CLEC16A: variants seen among roughly 807,000 people sequenced by gnomAD.
CLEC16A encodes C-type lectin domain containing 16A.
CLEC16A carries 51 observed loss-of-function variants against 109.5 expected under a neutral mutation model. The ratio of observed to expected loss-of-function variants is 0.47; its 90% CI spans 0.37 to 0.59. The LOEUF (loss-of-function observed/expected upper bound fraction) is 0.59. Among genes scored for constraint, CLEC16A ranks in the 20% least tolerant of loss-of-function variants. The pLI, the probability that CLEC16A is intolerant of heterozygous loss-of-function variation, is 0.00. For missense variants in CLEC16A, 1,339 were observed against 1,394.0 expected, an observed-to-expected ratio of 0.96 and a Z score of 0.63; for synonymous variants, 673 against 564.2, an observed-to-expected ratio of 1.19 and a Z score of -2.73.
intron 19 of CLEC16A, among the ~76,000 whole-genome samples, chr16:11,098,778 T>G (rs2050747761): frequency 1.3e-5 from 2 of 152,212 alleles, no homozygotes; most frequent in Non-Finnish European, 2.9e-5. Flanking sequence ...GTGCTGTGTG[T>G]GGGAGTAACT....
At chr16:10,996,994 C>T (rs1182915359) in intron 10 of CLEC16A, among the ~76,000 whole-genome samples, 1 of 152,216 alleles carries the variant, frequency 6.6e-6, no homozygotes, top group Non-Finnish European at 1.5e-5. Context: ...CACGGTCTTG[C>T]TGTGTCACCC....
intron 19 of CLEC16A, 109 bp from the exon 20 acceptor site, chr16:11,120,506 C>A: frequency 8.4e-7 from 1 of 1,193,302 alleles, no homozygotes; most frequent in Non-Finnish European, 1.1e-6. Context: ...TAGGCCTGGG[C>A]TCTAACCACT....
intron 19 of CLEC16A, among the ~76,000 whole-genome samples, chr16:11,115,161 C>G (rs565206726): frequency 6.6e-6 from 1 of 152,216 alleles, no homozygotes; most frequent in Admixed American, 6.5e-5. Flanking sequence ...TGACTGTGTC[C>G]GTTTTCCCAG....
intron 19 of CLEC16A, among the ~76,000 whole-genome samples, chr16:11,103,378 GAGAC>G (rs2051035524): frequency 6.6e-6 from 1 of 152,162 alleles, no homozygotes; most frequent in Non-Finnish European, 1.5e-5. Context: ...TCAGGGGTTT[GAGAC>G]CAGCCTGGCC....
intron 10 of CLEC16A, among the ~76,000 whole-genome samples, chr16:10,996,012 C>T (rs1397794003): frequency 6.6e-6 from 1 of 152,084 alleles, no homozygotes; most frequent in African/African-American, 2.4e-5. Context: ...TTACCTGATG[C>T]CTCTGGCCAC....
chr16:11,053,475 A>G (rs1289481242), intron 18 of CLEC16A, among the ~76,000 whole-genome samples: 8 of 151,890 alleles, frequency 5.3e-5, no homozygotes, highest in African/African-American at 9.7e-5. Flanking sequence ...GGGTCAAGCA[A>G]TCCTCCCACC....
rs199845026 is a variant in CLEC16A, at chr16:11,178,917, C to G, written c.*227C>G. The G allele has an allele frequency of 2.3e-5, 11 of 485,866 alleles. No homozygotes were observed. The highest frequency in any genetic ancestry group is 4.0e-5 in the Non-Finnish European group (11 of 277,724). The allele number at this position is 485,866 out of a possible 1,614,324, so 30.1% of individuals were successfully genotyped here. A position where few individuals can be genotyped will look rare whatever the true frequency, so the allele number is the denominator to read the frequency against. On this transcript the variant is annotated 3_prime_UTR_variant, in exon 24 of 24. Coordinates refer to ENST00000409790, the MANE Select transcript of CLEC16A (RefSeq NM_015226.3). This position sits in a 1 kb window ranked among gnomAD's most constrained non-coding sequence, Gnocchi z 6.5. ...TGCAGGCTGGGACCAGCGGAGACAC[C>G]GCGGCGAATGCAGATGACTGCACCG...
chr16:11,042,320 G>A lies in CLEC16A; in HGVS notation c.1727G>A (p.Ser576Asn), dbSNP rs1439275844. The A allele has an allele frequency of 2.5e-6, 4 of 1,593,746 alleles. No homozygotes were observed. The highest frequency in any genetic ancestry group is 2.7e-5 in the African/African-American group (2 of 74,520). The change falls in exon 15 of 24, where the codon AGT becomes AAT. Residue 576 changes from serine to asparagine, a missense_variant. Ser to Asn is a conservative substitution (Grantham distance 46). This residue lies in a region of CLEC16A where 1,061 missense variants were observed against 1,006.8 expected (regional missense o/e 1.05). Transcript: ENST00000409790. ...CLLLKQQVLM[S>N]AGCIMKDVHL... Reference sequence around the variant, plus strand: ...CTTCTGAAGCAGCAAGTCCTGATGAGTGCTGGCTGCATCATGAAGGACGTG... The same window carrying A: ...CTTCTGAAGCAGCAAGTCCTGATGAATGCTGGCTGCATCATGAAGGACGTG...
At chr16:11,021,848 C>T (rs892878881) in intron 12 of CLEC16A, among the ~76,000 whole-genome samples, 6 of 151,998 alleles carry the variant, frequency 3.9e-5, no homozygotes, top group African/African-American at 1.5e-4. Flanking sequence ...TGTTCAGTTC[C>T]TTAGGGTTTG....
At chr16:11,092,693 C>T (rs1056707281) in intron 19 of CLEC16A, among the ~76,000 whole-genome samples, 5 of 152,114 alleles carry the variant, frequency 3.3e-5, no homozygotes, top group African/African-American at 1.2e-4. Context: ...TCCTTTTGTT[C>T]GTGGCACAAT....
chr16:10,993,700 T>A (rs572638462), intron 10 of CLEC16A, among the ~76,000 whole-genome samples: 159 of 152,394 alleles, frequency 1.0e-3, no homozygotes, highest in African/African-American at 3.6e-3. Flanking sequence ...TAAAATACTC[T>A]TTCCAAAGAA....
intron 22 of CLEC16A, among the ~76,000 whole-genome samples, chr16:11,131,150 C>T (rs1409401137): frequency 6.6e-6 from 1 of 152,132 alleles, no homozygotes; most frequent in African/African-American, 2.4e-5. Context: ...GGGTCAGTGG[C>T]GGCCAGTATG....
intron 19 of CLEC16A, among the ~76,000 whole-genome samples, chr16:11,104,931 C>G (rs1305481241): frequency 1.3e-5 from 2 of 152,188 alleles, no homozygotes; most frequent in Non-Finnish European, 2.9e-5. Flanking sequence ...CCAGGATACC[C>G]TTGTTCCTGG....
chr16:10,994,026 C>T (rs969418728), intron 10 of CLEC16A, among the ~76,000 whole-genome samples: 5 of 152,206 alleles, frequency 3.3e-5, no homozygotes, highest in African/African-American at 9.7e-5. Context: ...CTCATCTCAG[C>T]GTCAAGTGCT....
intron 3 of CLEC16A, among the ~76,000 whole-genome samples, chr16:10,963,408 C>T (rs563918937): frequency 1.3e-5 from 2 of 152,314 alleles, no homozygotes; most frequent in Admixed American, 1.3e-4. Context: ...GTGGTGGGTA[C>T]TATCAGAGGG....
chr16:11,043,292 C>G (rs959707413), intron 15 of CLEC16A, among the ~76,000 whole-genome samples: 14 of 152,134 alleles, frequency 9.2e-5, no homozygotes, highest in African/African-American at 3.4e-4. Flanking sequence ...TGCCTGTAAC[C>G]CCAGCTACTC....
At chr16:11,141,107 G>A (rs1209961764) in intron 22 of CLEC16A, among the ~76,000 whole-genome samples, 1 of 152,232 alleles carries the variant, frequency 6.6e-6, no homozygotes, top group Admixed American at 6.5e-5. Context: ...CCAGCTTCAT[G>A]GCCCTGGCTG....
At chr16:10,965,268 C>T (rs1032627381) in intron 3 of CLEC16A, among the ~76,000 whole-genome samples, 2 of 152,194 alleles carry the variant, frequency 1.3e-5, no homozygotes, top group Admixed American at 6.5e-5. Context: ...AATCATTGCA[C>T]GTTTACAGAA....
chr16:11,152,083 A>C (rs539954983), intron 22 of CLEC16A, among the ~76,000 whole-genome samples: 47 of 152,354 alleles, frequency 3.1e-4, no homozygotes, highest in African/African-American at 1.0e-3. Context: ...GCAGATGCCT[A>C]ACTCAGCACA....
Sources: gnomAD v4.1 joint callset for allele counts (sites outside exome capture counted in the v4.1 genomes callset) on GRCh38, gnomAD v4.1.1 for gene constraint, gnomAD v4.1.1 regional missense constraint, Gnocchi (gnomAD v3.1) non-coding constraint, MANE v1.5 for transcripts, NCBI Gene and HGNC (gene_info 2026-07-23, HGNC 2026-07-21) for gene names.